RYR3: variants seen among roughly 807,000 people sequenced by gnomAD.
The protein encoded by RYR3 is ryanodine receptor 3.
A neutral mutation model predicts 584.3 loss-of-function variants in RYR3; 207 were observed. That is an observed-to-expected ratio of 0.35 (90% CI 0.32 to 0.40). The LOEUF (loss-of-function observed/expected upper bound fraction) is 0.40. Ranked by LOEUF, RYR3 falls within the 10% of genes least tolerant of loss-of-function variation. The pLI, the probability that RYR3 is intolerant of heterozygous loss-of-function variation, is 1.00. For missense variants in RYR3, 5,616 were observed against 6,089.2 expected, an observed-to-expected ratio of 0.92 and a Z score of 2.59; for synonymous variants, 2,416 against 2,248.5, an observed-to-expected ratio of 1.07 and a Z score of -2.11.
chr15:33,602,731 GTC>G lies in RYR3; in HGVS notation c.1923-390_1923-389del, dbSNP rs1567639587. 8.0e-4 allele frequency among the ~76,000 whole-genome samples: 70 copies of G among 87,968 alleles called. 1 individual carries two copies. The highest frequency in any genetic ancestry group is 7.5e-3 in the Middle Eastern group (1 of 134). 57.7% of individuals were successfully genotyped at this position (87,968 alleles called of 152,430 possible). ...TGTTGAGGGTCCTAAGCTTTTTCTAGTCTTTTTTTTTTTTTTTTTTTTTTTTT... is the reference window on the plus strand; with the variant it reads ...TGTTGAGGGTCCTAAGCTTTTTCTAGTTTTTTTTTTTTTTTTTTTTTTTTT... On this transcript the variant is annotated intron_variant, in intron 17 of 103. Coordinates refer to ENST00000634891, the MANE Select transcript of RYR3 (RefSeq NM_001036.6).
chr15:33,583,327 T>C (rs1285956507), intron 14 of RYR3, among the ~76,000 whole-genome samples: 1 of 152,256 alleles, frequency 6.6e-6, no homozygotes, highest in African/African-American at 2.4e-5. Context: ...CTGTGTTCAC[T>C]GGGATGCCTT....
intron 10 of RYR3, among the ~76,000 whole-genome samples, chr15:33,556,664 A>G (rs1567528705): frequency 6.6e-6 from 1 of 152,208 alleles, no homozygotes; most frequent in Admixed American, 6.5e-5. Flanking sequence ...CCTGTAGAAT[A>G]GAGTTCAGAG....
chr15:33,757,676 G>C, intron 60 of RYR3, 80 bp downstream of exon 60: 1 of 1,437,538 alleles, frequency 7.0e-7, no homozygotes, highest in Non-Finnish European at 9.5e-7. Flanking sequence ...ACTAAAAGGC[G>C]AGTCTTTTGG....
intron 32 of RYR3, among the ~76,000 whole-genome samples, chr15:33,658,399 G>A (rs1356894939): frequency 6.6e-6 from 1 of 152,162 alleles, no homozygotes; most frequent in African/African-American, 2.4e-5. Context: ...AAGGTCATCT[G>A]GAGAAGCTTT....
chr15:33,728,367 A>G (rs9920068), intron 46 of RYR3, among the ~76,000 whole-genome samples: 17,947 of 152,266 alleles, frequency 0.12, 1,221 homozygotes, highest in East Asian at 0.31. Context: ...AGGAAGTAAT[A>G]AGCTCTAGTA....
intron 3 of RYR3, among the ~76,000 whole-genome samples, chr15:33,505,356 T>C (rs1173816253): frequency 6.6e-6 from 1 of 152,228 alleles, no homozygotes; most frequent in Non-Finnish European, 1.5e-5. Context: ...ATAGTTTGCT[T>C]TGTGTCTTAG....
At chr15:33,467,830 T>C (rs1024493293) in intron 1 of RYR3, among the ~76,000 whole-genome samples, 3 of 152,220 alleles carry the variant, frequency 2.0e-5, no homozygotes, top group African/African-American at 7.2e-5. Flanking sequence ...TCATGGGGAA[T>C]AGAGAAATCT....
chr15:33,580,026 T>C lies in RYR3; in HGVS notation c.1319T>C (p.Leu440Pro). 6.2e-7 allele frequency: 1 copy of C among 1,613,566 alleles called. No homozygotes were observed. The highest frequency in any genetic ancestry group is 8.5e-7 in the Non-Finnish European group (1 of 1,179,704). The change falls in exon 13 of 104, where the codon CTG becomes CCG. Residue 440 changes from leucine to proline, a missense_variant. Leu to Pro is a moderately conservative substitution (Grantham distance 98). Transcript: ENST00000634891. ...APITLPIEEV[L>P]QTLQDLIAYF... ...ATCACCCTGCCTATAGAAGAAGTCC[T>C]GCAGACCCTACAGGACTTGATCGCC...
In RYR3 at chr15:33,750,258, C is replaced by T. The variant is rs1419719176; in HGVS notation, c.8371C>T (p.Leu2791Phe). Residue 2791 changes from leucine to phenylalanine, a missense_variant, in exon 57 of 104, where the codon CTC (leucine) becomes TTC (phenylalanine). Leu to Phe is a conservative substitution (Grantham distance 22). Transcript: ENST00000634891. ...GAAGGCACAGGACCTGTTTAAGTTCCTCCAAGTGAATGGCATCATAGTTTC... is the reference window on the plus strand; with the variant it reads ...GAAGGCACAGGACCTGTTTAAGTTCTTCCAAGTGAATGGCATCATAGTTTC... ...REKAQDLFKF[L>F]QVNGIIVSRG... 3 of 1,610,870 alleles carry T rather than the reference C, an allele frequency of 1.9e-6. No homozygotes were observed. Among genetic ancestry groups the T allele is most frequent in the Non-Finnish European group, 2.5e-6 (3 of 1,178,518 alleles).
Position 33,580,161 on chromosome 15 carries a change from A to T in RYR3, c.1437+17A>T. ...AAGGAAGAGGTAAGTCGAAAAATGA[A>T]AAGTTGAAATTCACTTAGTGTCCAG... On this transcript the variant is annotated intron_variant, in intron 13 of 103. Transcript: ENST00000634891. 1 of 1,572,726 alleles carries T rather than the reference A, an allele frequency of 6.4e-7. No individual in the cohort carries two copies. The highest frequency in any genetic ancestry group is 2.3e-5 in the East Asian group (1 of 42,706).
chr15:33,402,373 A>T (rs1250189462), intron 1 of RYR3, among the ~76,000 whole-genome samples: 1 of 152,240 alleles, frequency 6.6e-6, no homozygotes, highest in Non-Finnish European at 1.5e-5. Context: ...ATGGAATTTG[A>T]GTCTCCCAAT....
intron 24 of RYR3, among the ~76,000 whole-genome samples, chr15:33,633,840 A>G (rs1034440277): frequency 6.6e-6 from 1 of 152,192 alleles, no homozygotes; most frequent in African/African-American, 2.4e-5. Flanking sequence ...AAATGAACAC[A>G]CTGTGGCTCT....
intron 10 of RYR3, among the ~76,000 whole-genome samples, chr15:33,555,704 T>C (rs755232758): frequency 4.6e-5 from 7 of 152,190 alleles, no homozygotes; most frequent in Non-Finnish European, 8.8e-5. Flanking sequence ...ATCCATAAAA[T>C]GGAAGTAGTG....
chr15:33,560,409 T>A (rs1025431556), intron 10 of RYR3, among the ~76,000 whole-genome samples: 7 of 151,848 alleles, frequency 4.6e-5, no homozygotes, highest in African/African-American at 1.5e-4. Flanking sequence ...TACAGAATAA[T>A]GATTCATTTA....
At chr15:33,722,381 C>G in intron 43 of RYR3, 2 of 292,226 alleles carry the variant, frequency 6.8e-6, no homozygotes, top group East Asian at 1.9e-4. Flanking sequence ...AGAGTAAAAA[C>G]CTGCTCTGTA....
chr15:33,820,117 C>T (rs2077033570), intron 77 of RYR3, among the ~76,000 whole-genome samples: 1 of 152,242 alleles, frequency 6.6e-6, no homozygotes, highest in African/African-American at 2.4e-5. Context: ...GTTCAGGATA[C>T]ATCAGACAGT....
At chr15:33,707,106 G>T in intron 43 of RYR3, 52 bp downstream of exon 43, 2 of 1,598,534 alleles carry the variant, frequency 1.3e-6, no homozygotes, top group Non-Finnish European at 1.7e-6. Context: ...CATGATCGTG[G>T]ATACCTACAA....
intron 94 of RYR3, chr15:33,850,839 ATGTTCATTAG>A (rs1384887528): frequency 6.6e-6 from 1 of 152,124 alleles, no homozygotes; most frequent in African/African-American, 2.4e-5. Context: ...TACATTTTTG[ATGTTCATTAG>A]TGGTTAGTAA....
chr15:33,772,952 C>A (rs1441980148), intron 63 of RYR3, among the ~76,000 whole-genome samples: 1 of 152,144 alleles, frequency 6.6e-6, no homozygotes, highest in African/African-American at 2.4e-5. Context: ...GATGTGTAGC[C>A]GCCAGATTCA....
Sources: gnomAD v4.1 joint callset for allele counts (sites outside exome capture counted in the v4.1 genomes callset) on GRCh38, gnomAD v4.1.1 for gene constraint, MANE v1.5 for transcripts, NCBI Gene and HGNC (gene_info 2026-07-23, HGNC 2026-07-21) for gene names.